The following FAM98B variants were observed in gnomAD, a reference collection of about 807,000 sequenced individuals.
FAM98B encodes the protein tRNA splicing ligase complex subunit 3B.
FAM98B carries 32 observed loss-of-function variants against 43.9 expected under a neutral mutation model. The observed-to-expected ratio is 0.73, with a 90% confidence interval of 0.55 to 0.98. FAM98B has a LOEUF of 0.98. Among genes scored for constraint, FAM98B ranks in the 50% least tolerant of loss-of-function variants. FAM98B has a pLI of 0.00. For synonymous variants in FAM98B, 190 were observed against 174.0 expected, an observed-to-expected ratio of 1.09 and a Z score of -0.72; for missense variants, 514 against 522.9, an observed-to-expected ratio of 0.98 and a Z score of 0.17.
At chr15:38,467,078 A>G (rs1436823840) in intron 3 of FAM98B, among the ~76,000 whole-genome samples, 1 of 152,136 alleles carries the variant, frequency 6.6e-6, no homozygotes, top group Non-Finnish European at 1.5e-5. Flanking sequence ...CTATTTTAAA[A>G]TGATTTCCTT....
chr15:38,486,845 T>G lies in FAM98B; in HGVS notation c.*2186T>G, dbSNP rs892514596. ...AATAGCAGGAAGGAAATTTGGGGCCTTAATGGGAAAGGCCATAGTGTGAAA... is the reference window on the plus strand; with the variant it reads ...AATAGCAGGAAGGAAATTTGGGGCCGTAATGGGAAAGGCCATAGTGTGAAA... On this transcript the variant is annotated 3_prime_UTR_variant, in exon 8 of 8. Transcript: ENST00000397609. 2 of 152,128 alleles carry G rather than the reference T, an allele frequency of 1.3e-5. No individual in the cohort carries two copies. Among genetic ancestry groups the G allele is most frequent in the Admixed American group, 6.6e-5 (1 of 15,260 alleles). The allele number at this position is 152,128 out of a possible 1,614,324, so 9.4% of individuals were successfully genotyped here.
At position 38,484,758 on chromosome 15, in the gene FAM98B, CATGT is replaced by C. The variant is rs1890344917; in HGVS notation, c.*100_*103del. On this transcript the variant is annotated 3_prime_UTR_variant, in exon 8 of 8. Coordinates refer to ENST00000397609, the MANE Select transcript of FAM98B (RefSeq NM_173611.4). ...TGAATATCATCTTTGAAGTAAACAC[CATGT>C]TAGACTCCCTGGTGATACCACTCTT... 6.9e-7 allele frequency: 1 copy of C among 1,449,978 alleles called. No homozygotes were observed. Among genetic ancestry groups the C allele is most frequent in the African/African-American group, 1.5e-5 (1 of 66,566 alleles). 89.8% of individuals were successfully genotyped at this position (1,449,978 alleles called of 1,614,324 possible).
rs977240432 is a variant in FAM98B at position 38,465,277 on chromosome 15, G to T, written c.226G>T (p.Asp76Tyr). The change falls in exon 3 of 8, where the codon GAT becomes TAT. Residue 76 changes from aspartate to tyrosine, a missense_variant. Physicochemically the swap from Asp to Tyr is radical, Grantham distance 160. Around this residue, in one of 2 missense-constraint regions of FAM98B, gnomAD observed 469 missense variants for 451.8 expected, o/e 1.04. Coordinates refer to ENST00000397609, the MANE Select transcript of FAM98B (RefSeq NM_173611.4). ...ATTTTTCTTTTTTAAAGGAAGAGAT[G>T]ATCTAGAGAGCTTCCAGCTTGAGAT... ...EESITSAGRD[D>Y]LESFQLEISG... 6.2e-7 allele frequency: 1 copy of T among 1,607,850 alleles called. No homozygotes were observed. The highest frequency in any genetic ancestry group is 1.7e-5 in the Admixed American group (1 of 58,164).
In FAM98B at chr15:38,485,547, G is replaced by C. The variant is rs1415997570; in HGVS notation, c.*888G>C. On this transcript the variant is annotated 3_prime_UTR_variant, in exon 8 of 8. Coordinates refer to ENST00000397609, the MANE Select transcript of FAM98B (RefSeq NM_173611.4). ...GGCTAAGGCATCCTGTGGTAATTCTGATTCACAGCTAGATTTGGGAAACAC... is the reference window on the plus strand; with the variant it reads ...GGCTAAGGCATCCTGTGGTAATTCTCATTCACAGCTAGATTTGGGAAACAC... The C allele has an allele frequency of 1.3e-5, 2 of 152,214 alleles. No homozygotes were observed. The highest frequency in any genetic ancestry group is 4.8e-5 in the African/African-American group (2 of 41,446). The allele number at this position is 152,214 out of a possible 1,614,324, so 9.4% of individuals were successfully genotyped here.
At chr15:38,469,421 C>A (rs1215786061) in intron 3 of FAM98B, among the ~76,000 whole-genome samples, 1 of 152,168 alleles carries the variant, frequency 6.6e-6, no homozygotes, top group Non-Finnish European at 1.5e-5. Context: ...CTCCCCTGAC[C>A]TGTGTGCTCT....
Position 38,454,209 on chromosome 15 carries a change from G to T in FAM98B, c.48G>T (p.Val16=), listed in dbSNP as rs770503095. 1 of 1,604,164 alleles carries T rather than the reference G, an allele frequency of 6.2e-7. No homozygotes were observed. ...CCCAACCGACGATGGAGGGAGACGT[G>T]CTGGACACACTGGAGGCGCTGGGGT... The part of the protein sequence containing the change: ...PGPQPTMEGD[V]LDTLEALGYK... The change falls in exon 1 of 8, where the codon GTG becomes GTT. Residue 16 remains valine (V), a synonymous_variant. Coordinates refer to ENST00000397609, the MANE Select transcript of FAM98B (RefSeq NM_173611.4).
rs774448250 is a variant in FAM98B, at chr15:38,464,197, T to G, written c.217+20T>G. The G allele has an allele frequency of 1.8e-5, 28 of 1,595,806 alleles. No individual in the cohort carries two copies. Among genetic ancestry groups the G allele is most frequent in the Non-Finnish European group, 2.2e-5 (26 of 1,169,630 alleles). On this transcript the variant is annotated intron_variant, in intron 2 of 7. Coordinates refer to ENST00000397609, the MANE Select transcript of FAM98B (RefSeq NM_173611.4). ...CTGCTGGTATTGCCATTATGTTGTA[T>G]TTACTTTTCTGTTTAATAGTAAACT...
At chr15:38,459,199 G>T in intron 1 of FAM98B, 2 of 426,394 alleles carry the variant, frequency 4.7e-6, no homozygotes, top group South Asian at 1.9e-5. Context: ...TTGTTGCTGG[G>T]CTTAAAGATG....
chr15:38,473,037 G>C (rs977728109), intron 4 of FAM98B, among the ~76,000 whole-genome samples: 2 of 152,168 alleles, frequency 1.3e-5, no homozygotes, highest in African/African-American at 4.8e-5. Flanking sequence ...AATTGAGAGA[G>C]ATGGCTTGCT....
intron 1 of FAM98B, among the ~76,000 whole-genome samples, chr15:38,455,846 TAGTC>T (rs1306963422): frequency 7.9e-5 from 12 of 152,334 alleles, no homozygotes; most frequent in Admixed American, 2.6e-4. Flanking sequence ...CAAGGAAAAT[TAGTC>T]AGATTATTCA....
rs900804407 is a variant in FAM98B, at chr15:38,486,041, C to G, written c.*1382C>G. On this transcript the variant is annotated 3_prime_UTR_variant, in exon 8 of 8. Transcript: ENST00000397609. Reference sequence around the variant, plus strand: ...TGGACAAGTGGTATTTGATGTTTAGCAGGTTTTTTTGTTGTTATTTTTTTG... The same window carrying G: ...TGGACAAGTGGTATTTGATGTTTAGGAGGTTTTTTTGTTGTTATTTTTTTG... 10 of 152,022 alleles carry G rather than the reference C, an allele frequency of 6.6e-5. No individual in the cohort carries two copies. The highest frequency in any genetic ancestry group is 1.3e-4 in the Non-Finnish European group (9 of 67,962). 9.4% of individuals were successfully genotyped at this position (152,022 alleles called of 1,614,324 possible).
intron 1 of FAM98B, among the ~76,000 whole-genome samples, chr15:38,463,680 A>G (rs1262300088): frequency 6.6e-6 from 1 of 152,022 alleles, no homozygotes; most frequent in African/African-American, 2.4e-5. Context: ...ATTAGACTTT[A>G]TGCTGTATTT....
In FAM98B at chr15:38,454,138, C is replaced by G. The variant is rs1336762107; in HGVS notation, c.-24C>G. 7 of 1,583,070 alleles carry G rather than the reference C, an allele frequency of 4.4e-6. No individual in the cohort carries two copies. The East Asian group carries it at 9.1e-5, about 21-fold the overall frequency. On this transcript the variant is annotated 5_prime_UTR_variant, in exon 1 of 8. Transcript: ENST00000397609. ...GTTTCCGGCGGGCTACTTAGAGCGC[C>G]GAACAGCTCTGGGCCAAAGGACCAT... is the stretch of plus-strand genomic sequence containing the variant.
At chr15:38,471,966 G>A (rs1475292456) in intron 4 of FAM98B, among the ~76,000 whole-genome samples, 1 of 152,094 alleles carries the variant, frequency 6.6e-6, no homozygotes, top group African/African-American at 2.4e-5. Context: ...GTGGTTATGG[G>A]TAATACATCA....
chr15:38,455,964 GA>G (rs1227957068), intron 1 of FAM98B, among the ~76,000 whole-genome samples: 1 of 152,182 alleles, frequency 6.6e-6, no homozygotes, highest in African/African-American at 2.4e-5. Flanking sequence ...AATACGATGT[GA>G]AAAAAGTAGT....
chr15:38,482,847 A>AGGTT (rs746883187), intron 7 of FAM98B: 5 of 152,194 alleles, frequency 3.3e-5, no homozygotes, highest in Admixed American at 1.3e-4. Flanking sequence ...TTTTTATAGA[A>AGGTT]GGTTGGATAC....
At chr15:38,471,127 A>G (rs926865579) in intron 4 of FAM98B, among the ~76,000 whole-genome samples, 1 of 152,036 alleles carries the variant, frequency 6.6e-6, no homozygotes, top group African/African-American at 2.4e-5. Context: ...ATTCTTGCCT[A>G]ATCTTCAAGA....
At chr15:38,458,970 A>C (rs1889900163) in intron 1 of FAM98B, 1 of 392,104 alleles carries the variant, frequency 2.6e-6, no homozygotes, top group South Asian at 2.2e-5. Context: ...CTGACTTAGC[A>C]GCCCTGGTGG....
At chr15:38,458,803 C>T in intron 1 of FAM98B, 1 of 463,592 alleles carries the variant, frequency 2.2e-6, no homozygotes, top group South Asian at 1.7e-5. Flanking sequence ...TGCTCTGCTT[C>T]TCAAAGACTG....
Sources: allele counts gnomAD v4.1 joint callset (sites outside exome capture counted in the v4.1 genomes callset), GRCh38; gene constraint gnomAD v4.1.1; regional missense constraint gnomAD v4.1.1; transcripts MANE v1.5; gene names NCBI Gene and HGNC (gene_info 2026-07-23, HGNC 2026-07-21).